Variants in KHNYN observed in about 807,000 individuals in gnomAD.
KHNYN encodes KH and NYN domain containing.
In KHNYN, 42 loss-of-function variants were observed where a neutral mutation model predicts 62.7. That is an observed-to-expected ratio of 0.67 (90% CI 0.52 to 0.87). KHNYN has a LOEUF of 0.87. Among genes scored for constraint, KHNYN ranks in the 40% least tolerant of loss-of-function variants. KHNYN has a pLI of 0.00. For synonymous variants in KHNYN, 347 were observed against 345.6 expected, an observed-to-expected ratio of 1.00 and a Z score of -0.04; for missense variants, 829 against 874.1, an observed-to-expected ratio of 0.95 and a Z score of 0.65.
chr14:24,429,310 G>T, upstream of KHNYN: 1 of 682,062 alleles, frequency 1.5e-6, no homozygotes, highest in Non-Finnish European at 2.7e-6. Context: ...GGATGAAGCC[G>T]CCTGCCCACT....
Position 24,436,458 on chromosome 14 carries a change from A to G in KHNYN, c.1756A>G (p.Thr586Ala). The part of the protein sequence containing the change: ...PDDPLGRNGP[T>A]LDEFLKKPAR... ...TGACCCACTGGGGCGAAACGGCCCC[A>G]CCCTGGATGAATTTCTGAAGAAGCC... The change falls in exon 7 of 8, where the codon ACC (threonine) becomes GCC (alanine). Residue 586 changes from threonine to alanine, a missense_variant. Physicochemically the swap from Thr to Ala is moderately conservative, Grantham distance 58. This residue lies in a region of KHNYN where 270 missense variants were observed against 347.1 expected (regional missense o/e 0.78). Transcript: ENST00000553935. The G allele has an allele frequency of 6.2e-7, 1 of 1,613,236 alleles. No individual in the cohort carries two copies. Among genetic ancestry groups the G allele is most frequent in the Non-Finnish European group, 8.5e-7 (1 of 1,179,758 alleles).
chr14:24,436,786 T>C (rs1247313692), intron 7 of KHNYN, among the ~76,000 whole-genome samples: 2 of 152,190 alleles, frequency 1.3e-5, no homozygotes, highest in East Asian at 3.8e-4. Flanking sequence ...CTGCTGACCA[T>C]TACATAAGTG....
chr14:24,431,849 G>C lies in KHNYN; in HGVS notation c.588G>C (p.Glu196Asp). The C allele has an allele frequency of 6.2e-7, 1 of 1,614,076 alleles. No homozygotes were observed. The change falls in exon 3 of 8, where the codon GAG (glutamate) becomes GAC (aspartate). Residue 196 changes from glutamate (E) to aspartate (D), a missense_variant. Physicochemically the swap from Glu to Asp is conservative, Grantham distance 45. Transcript: ENST00000553935. The part of the protein sequence containing the change: ...VQEELLSLVQ[E>D]ASSGQGPGAL... ...AGGAGCTGCTGAGTCTGGTGCAGGA[G>C]GCGTCTAGTGGGCAGGGGCCAGGAG...
rs1236319195 is a variant in KHNYN, at chr14:24,432,296, G to A, written c.1035G>A (p.Gln345=). ...AGTCCCGAGGAGCCTCCCTCCTCCA[G>A]CGGCTCCACAATGGGAATGCCTCTC... ...AAQSRGASLL[Q]RLHNGNASPP... is the part of the protein sequence containing the mutation. The change falls in exon 3 of 8, where the codon CAG becomes CAA. Residue 345 remains glutamine (Q), a synonymous_variant. Coordinates refer to ENST00000553935, the MANE Select transcript of KHNYN (RefSeq NM_015299.3). The surrounding 1 kb of genome is among the most constrained non-coding windows in gnomAD (Gnocchi z 5.6). 6.2e-7 allele frequency: 1 copy of A among 1,613,934 alleles called. No homozygotes were observed. The highest frequency in any genetic ancestry group is 8.5e-7 in the Non-Finnish European group (1 of 1,179,950).
chr14:24,431,530 G>A lies in KHNYN; in HGVS notation c.269G>A (p.Cys90Tyr). ...ATCCACTACCCGCCCAAACTGCACT[G>A]CATCTTTCTGGGAGCCCAGGGCTTC... ...DEIHYPPKLH[C>Y]IFLGAQGFFL... is the part of the protein sequence containing the mutation. The change falls in exon 3 of 8, where the codon TGC (cysteine) becomes TAC (tyrosine). Residue 90 changes from cysteine to tyrosine, a missense_variant. Physicochemically the swap from Cys to Tyr is radical, Grantham distance 194. Transcript: ENST00000553935. The A allele has an allele frequency of 2.5e-6, 4 of 1,610,526 alleles. No homozygotes were observed. Among genetic ancestry groups the A allele is most frequent in the Non-Finnish European group, 3.4e-6 (4 of 1,177,216 alleles).
upstream of KHNYN, chr14:24,426,427 G>A (rs1056279879): frequency 2.6e-4 from 40 of 152,186 alleles, no homozygotes; most frequent in African/African-American, 9.6e-4. Context: ...ATATCAGATT[G>A]TTCCTGATGT....
Position 24,441,105 on chromosome 14 carries a change from G to A in KHNYN, c.*3820G>A, listed in dbSNP as rs45473197. 2,597 of 652,298 alleles carry A rather than the reference G, an allele frequency of 4.0e-3. 10 individuals carry two copies. Among genetic ancestry groups the A allele is most frequent in the Non-Finnish European group, 5.4e-3 (2,037 of 374,594 alleles). The allele number at this position is 652,298 out of a possible 1,614,324, so 40.4% of individuals were successfully genotyped here. A position where few individuals can be genotyped will look rare whatever the true frequency, so the allele number is the denominator to read the frequency against. ...TGACCTGAAGCGTTCCTTCCCTGGA[G>A]GAACTCTGGTTGCAGGGCTAAACTT... On this transcript the variant is annotated 3_prime_UTR_variant, in exon 8 of 8. Coordinates refer to ENST00000553935, the MANE Select transcript of KHNYN (RefSeq NM_015299.3).
Position 24,431,861 on chromosome 14 carries a change from G to C in KHNYN, c.600G>C (p.Gly200=), listed in dbSNP as rs1323970271. Residue 200 remains glycine (G), a synonymous_variant, in exon 3 of 8, where the codon GGG becomes GGC. Coordinates refer to ENST00000553935, the MANE Select transcript of KHNYN (RefSeq NM_015299.3). ...GTCTGGTGCAGGAGGCGTCTAGTGG[G>C]CAGGGGCCAGGAGCACTGGCTTCTT... ...LLSLVQEASS[G]QGPGALASWE... 6.2e-7 allele frequency: 1 copy of C among 1,614,044 alleles called. No individual in the cohort carries two copies. The highest frequency in any genetic ancestry group is 8.5e-7 in the Non-Finnish European group (1 of 1,180,018).
At chr14:24,428,960 G>A (rs1023939619), upstream of KHNYN, 17 of 1,551,514 alleles carry the variant, frequency 1.1e-5, no homozygotes, top group Admixed American at 2.5e-4. Flanking sequence ...CCCCTCCTGG[G>A]CCCACCCGGC....
At chr14:24,424,802 G>A (rs750942532), upstream of KHNYN, among the ~76,000 whole-genome samples, 2 of 152,200 alleles carry the variant, frequency 1.3e-5, no homozygotes, top group Non-Finnish European at 2.9e-5. Context: ...CTCCAGTAAG[G>A]AAGGCTGCCC....
rs1448383305 is a variant in KHNYN at position 24,440,009 on chromosome 14, G to A, written c.*2724G>A. The A allele has an allele frequency of 1.3e-5, 16 of 1,253,698 alleles. No individual in the cohort carries two copies. The highest frequency in any genetic ancestry group is 1.8e-5 in the Non-Finnish European group (16 of 908,796). The allele number at this position is 1,253,698 out of a possible 1,614,324, so 77.7% of individuals were successfully genotyped here. A position where few individuals can be genotyped will look rare whatever the true frequency, so the allele number is the denominator to read the frequency against. ...AACCAGATGGCTTCAGCTCTCTAGA[G>A]GAGCTGAGCCTATTCACAGTGCCTA... On this transcript the variant is annotated 3_prime_UTR_variant, in exon 8 of 8. Transcript: ENST00000553935.
At chr14:24,430,444 A>C in intron 1 of KHNYN, 1 of 1,257,872 alleles carries the variant, frequency 7.9e-7, no homozygotes, top group Non-Finnish European at 1.0e-6. Context: ...GAGCCCCCCC[A>C]CCCTTCTTGC....
Position 24,430,924 on chromosome 14 carries a change from G to A in KHNYN, c.194G>A (p.Arg65Lys). The change falls in exon 2 of 8, where the codon AGA (arginine) becomes AAA (lysine). Residue 65 changes from arginine (R) to lysine (K), a missense_variant. Around this residue, in one of 2 missense-constraint regions of KHNYN, gnomAD observed 559 missense variants for 527.0 expected, o/e 1.06. Transcript: ENST00000553935. ...QLEGPKENASRAKEYLKGLCS... is the reference protein window; with the variant it reads ...QLEGPKENASKAKEYLKGLCS... The stretch of plus-strand genomic sequence containing the variant: ...GAGGGCCCCAAGGAAAACGCCAGCA[G>A]AGCCAAGGTGAACGCCTTCTCTCCC... 3 of 1,611,780 alleles carry A rather than the reference G, an allele frequency of 1.9e-6. No individual in the cohort carries two copies. Among genetic ancestry groups the A allele is most frequent in the East Asian group, 2.2e-5 (1 of 44,800 alleles).
In KHNYN at chr14:24,441,772, T is replaced by G; in HGVS notation, c.*4487T>G. 2 of 1,604,698 alleles carry G rather than the reference T, an allele frequency of 1.2e-6. No homozygotes were observed. The highest frequency in any genetic ancestry group is 1.7e-6 in the Non-Finnish European group (2 of 1,177,102). ...GGTCTCTAGGCGGCTGCCGATTACC[T>G]CTTTTTGGAAGGTTTCATTCCATCT... is the stretch of plus-strand genomic sequence containing the variant. On this transcript the variant is annotated 3_prime_UTR_variant, in exon 8 of 8. Coordinates refer to ENST00000553935, the MANE Select transcript of KHNYN (RefSeq NM_015299.3).
In KHNYN at chr14:24,437,297, T is replaced by C. The variant is rs751053786; in HGVS notation, c.*12T>C. The C allele has an allele frequency of 3.2e-5, 51 of 1,603,496 alleles. No homozygotes were observed. The highest frequency in any genetic ancestry group is 4.2e-5 in the Non-Finnish European group (49 of 1,172,392). Reference sequence around the variant, plus strand: ...GTCTTAACTTTTGAGCCTCACCTGCTTGAGTGGCTGCCGCCCTGTCAGCTC... The same window carrying C: ...GTCTTAACTTTTGAGCCTCACCTGCCTGAGTGGCTGCCGCCCTGTCAGCTC... On this transcript the variant is annotated 3_prime_UTR_variant, in exon 8 of 8. Transcript: ENST00000553935. This position sits in a 1 kb window ranked among gnomAD's most constrained non-coding sequence, Gnocchi z 5.5.
At chr14:24,428,408 G>C, upstream of KHNYN, 1 of 1,613,390 alleles carries the variant, frequency 6.2e-7, no homozygotes, top group Non-Finnish European at 8.5e-7. Context: ...ACCAGGACCT[G>C]GGGGAAGCAG....
At chr14:24,429,600 G>A (rs1383813457), upstream of KHNYN, 10 of 887,764 alleles carry the variant, frequency 1.1e-5, no homozygotes, top group South Asian at 1.7e-5. Context: ...CCCGCCTCCC[G>A]CCTACCCCCT....
At position 24,431,915 on chromosome 14, in the gene KHNYN, T is replaced by C. The variant is rs1317974355; in HGVS notation, c.654T>C (p.Gly218=). The part of the protein sequence containing the change: ...SWEGRSSALL[G]AQCQGVRAPP... Reference sequence around the variant, plus strand: ...AGGGGCGGAGCTCAGCCTTGCTGGGTGCTCAGTGCCAAGGAGTGAGAGCTC... The same window carrying C: ...AGGGGCGGAGCTCAGCCTTGCTGGGCGCTCAGTGCCAAGGAGTGAGAGCTC... The change falls in exon 3 of 8, where the codon GGT becomes GGC. Residue 218 remains glycine (G), a synonymous_variant. Coordinates refer to ENST00000553935, the MANE Select transcript of KHNYN (RefSeq NM_015299.3). 5 of 1,613,838 alleles carry C rather than the reference T, an allele frequency of 3.1e-6. No homozygotes were observed. In the Admixed American group the frequency reaches 5.0e-5, roughly 16 times the overall value.
chr14:24,435,812 G>A (rs1413534176), intron 5 of KHNYN: 7 of 511,414 alleles, frequency 1.4e-5, no homozygotes, highest in African/African-American at 1.9e-5. Context: ...GAGGTAGGGG[G>A]CCAGATCTCC....
Sources: gnomAD v4.1 joint callset for allele counts (sites outside exome capture counted in the v4.1 genomes callset) on GRCh38, gnomAD v4.1.1 for gene constraint, gnomAD v4.1.1 regional missense constraint, Gnocchi (gnomAD v3.1) non-coding constraint, MANE v1.5 for transcripts, NCBI Gene and HGNC (gene_info 2026-07-23, HGNC 2026-07-21) for gene names.